MYO16: variants seen among roughly 807,000 people sequenced by gnomAD.
MYO16 encodes unconventional myosin-XVI.
In MYO16, 94 loss-of-function variants were observed where a neutral mutation model predicts 205.3. That is an observed-to-expected ratio of 0.46 (90% CI 0.39 to 0.54). The LOEUF (loss-of-function observed/expected upper bound fraction) is 0.54. Among genes scored for constraint, MYO16 ranks in the 20% least tolerant of loss-of-function variants. MYO16 has a pLI of 0.00. For synonymous variants in MYO16, 988 were observed against 954.0 expected (o/e 1.04, Z -0.66); for missense variants, 2,315 against 2,387.5 (o/e 0.97, Z 0.63).
intron 20 of MYO16, among the ~76,000 whole-genome samples, chr13:108,970,796 C>G (rs529828059): frequency 2.6e-4 from 40 of 152,278 alleles, no homozygotes; most frequent in African/African-American, 9.4e-4. Context: ...CCAGGGCAAC[C>G]CTTCAGACTC....
At chr13:108,800,194 T>G (rs1407721766) in intron 6 of MYO16, among the ~76,000 whole-genome samples, 1 of 152,178 alleles carries the variant, frequency 6.6e-6, no homozygotes, top group Non-Finnish European at 1.5e-5. Context: ...GACCACAGCT[T>G]CATGGGTAAA....
At chr13:109,120,132 A>G (rs1327188950) in intron 28 of MYO16, among the ~76,000 whole-genome samples, 2 of 152,216 alleles carry the variant, frequency 1.3e-5, no homozygotes, top group Non-Finnish European at 2.9e-5. Flanking sequence ...AACCCACATC[A>G]GTAGTGTGTA....
chr13:108,559,465 C>CTTTTCT, the MYO16 span, among the ~76,000 whole-genome samples: 4 of 127,990 alleles, frequency 3.1e-5, no homozygotes, highest in Non-Finnish European at 6.5e-5. Context: ...TTTTCTTTTT[C>CTTTTCT]TTTTCTTTTT....
chr13:108,638,583 C>T (rs1431377239), intron 1 of MYO16, among the ~76,000 whole-genome samples: 1 of 152,054 alleles, frequency 6.6e-6, no homozygotes, highest in African/African-American at 2.4e-5. Flanking sequence ...TCGCTGCTTG[C>T]TTTTCTGAAA....
At chr13:108,679,343 A>T (rs2139464271) in intron 2 of MYO16, among the ~76,000 whole-genome samples, 2 of 152,150 alleles carry the variant, frequency 1.3e-5, no homozygotes, top group South Asian at 4.2e-4. Flanking sequence ...CTTGAAGCAA[A>T]TTCTTTATTT....
intron 9 of MYO16, among the ~76,000 whole-genome samples, chr13:108,823,646 A>G (rs895861586): frequency 2.0e-5 from 3 of 151,622 alleles, no homozygotes; most frequent in African/African-American, 4.8e-5. Flanking sequence ...TCTCATAAGC[A>G]TAAAACTAAT....
intron 17 of MYO16, 85 bp from the exon 18 acceptor site, chr13:108,961,454 A>G (rs1883577065): frequency 9.3e-7 from 1 of 1,075,788 alleles, no homozygotes; most frequent in African/African-American, 1.6e-5. Flanking sequence ...CATTTTTGTA[A>G]CTTACTTTTA....
At chr13:109,103,531 A>G (rs957735667) in intron 28 of MYO16, among the ~76,000 whole-genome samples, 4 of 152,244 alleles carry the variant, frequency 2.6e-5, no homozygotes, top group African/African-American at 9.6e-5. Context: ...GTTAAGTGGT[A>G]TACAGTGTTA....
At position 108,711,945 on chromosome 13, in the gene MYO16, G is replaced by C. The variant is rs147749718; in HGVS notation, c.293-716G>C. Among the ~76,000 whole-genome samples the C allele has an allele frequency of 3.9e-3, 595 of 152,318 alleles. 3 individuals carry two copies. The highest frequency in any genetic ancestry group is 0.013 in the African/African-American group (548 of 41,572). On this transcript the variant is annotated intron_variant, in intron 2 of 34. Coordinates refer to ENST00000457511, the MANE Select transcript of MYO16 (RefSeq NM_001198950.3). ...AATTATAGTGCCTTGGGGGATTGAA[G>C]AACCTTTCTATGGGGCTTGTCTTAT...
chr13:108,719,048 G>A (rs1032700782), intron 3 of MYO16, among the ~76,000 whole-genome samples: 1 of 152,064 alleles, frequency 6.6e-6, no homozygotes, highest in Non-Finnish European at 1.5e-5. Flanking sequence ...GATGATCTAA[G>A]AAAGGCCCCA....
rs1396393895 is a variant in MYO16, at chr13:109,206,925, G to T, written c.*89G>T. ...AGGCTGCCTTCTGACATGCGCTGGG[G>T]CTTCTCTCCACGCATTTAGACAAAA... is the stretch of plus-strand genomic sequence containing the variant. On this transcript the variant is annotated 3_prime_UTR_variant, in exon 35 of 35. Transcript: ENST00000457511. 15 of 1,168,344 alleles carry T rather than the reference G, an allele frequency of 1.3e-5. No homozygotes were observed. Among genetic ancestry groups the T allele is most frequent in the Non-Finnish European group, 1.8e-5 (15 of 817,522 alleles). The allele number at this position is 1,168,344 out of a possible 1,614,324, so 72.4% of individuals were successfully genotyped here.
At chr13:108,621,868 T>C (rs1879555596) in intron 1 of MYO16, among the ~76,000 whole-genome samples, 1 of 152,198 alleles carries the variant, frequency 6.6e-6, no homozygotes, top group Admixed American at 6.5e-5. Context: ...AGTATTTTGC[T>C]ATAATTGTCC....
intron 5 of MYO16, among the ~76,000 whole-genome samples, chr13:108,787,638 T>C (rs1334273261): frequency 2.1e-5 from 3 of 140,168 alleles, no homozygotes; most frequent in South Asian, 2.3e-4. Context: ...AAAAGGAGTA[T>C]GCAAAAACAA....
intron 13 of MYO16, among the ~76,000 whole-genome samples, chr13:108,887,088 A>G (rs9521082): frequency 0.72 from 108,955 of 152,032 alleles, 39,222 homozygotes; most frequent in South Asian, 0.8. Context: ...GAGCACTTAC[A>G]AAGGGTAATT....
intron 27 of MYO16, among the ~76,000 whole-genome samples, chr13:109,056,591 A>G (rs1360789314): frequency 6.6e-6 from 1 of 152,194 alleles, no homozygotes; most frequent in Non-Finnish European, 1.5e-5. Flanking sequence ...AGGTAAATGC[A>G]TACGCAAATA....
intron 11 of MYO16, among the ~76,000 whole-genome samples, chr13:108,859,493 A>G (rs1008762490): frequency 2.0e-5 from 3 of 152,186 alleles, no homozygotes; most frequent in Non-Finnish European, 2.9e-5. Context: ...GATTTTTTTT[A>G]TAGTATGATC....
Position 108,793,551 on chromosome 13 carries a change from CA to C in MYO16, c.653del (p.Gln218ArgfsTer4). ...GACCTCACTGCGCCAGATGAAGCTT[CA>C]GAGACCAATGAGTATGTTAACAGAT... ...DLTSLRQMKL[Q>X]RPMSMLTDVK... On this transcript the variant is annotated frameshift_variant, in exon 6 of 35. Transcript: ENST00000457511. LOFTEE classifies it high-confidence loss of function. 6.2e-7 allele frequency: 1 copy of C among 1,613,934 alleles called. No individual in the cohort carries two copies. Among genetic ancestry groups the C allele is most frequent in the Non-Finnish European group, 8.5e-7 (1 of 1,179,874 alleles).
At position 108,671,982 on chromosome 13, in the gene MYO16, A is replaced by G. The variant is rs535179496; in HGVS notation, c.292+5833A>G. Among the ~76,000 whole-genome samples the G allele has an allele frequency of 5.7e-4, 87 of 152,320 alleles. 1 individual carries two copies. Among genetic ancestry groups the G allele is most frequent in the African/African-American group, 1.9e-3 (80 of 41,580 alleles). ...AGGAACATTTAATCTGTAATAGGGCATATTTATTTGGTACTTGGAGCTGAC... is the reference window on the plus strand; with the variant it reads ...AGGAACATTTAATCTGTAATAGGGCGTATTTATTTGGTACTTGGAGCTGAC... On this transcript the variant is annotated intron_variant, in intron 2 of 34. Transcript: ENST00000457511.
chr13:108,698,425 T>C (rs1883173021), intron 2 of MYO16, among the ~76,000 whole-genome samples: 1 of 152,202 alleles, frequency 6.6e-6, no homozygotes, highest in Admixed American at 6.5e-5. Context: ...TTGTATCTTA[T>C]TCCTGAGGGT....
Sources: allele counts gnomAD v4.1 joint callset (sites outside exome capture counted in the v4.1 genomes callset), GRCh38; gene constraint gnomAD v4.1.1; transcripts MANE v1.5; gene names NCBI Gene and HGNC (gene_info 2026-07-23, HGNC 2026-07-21).